The following PLEKHA5 variants were observed in gnomAD, a reference collection of about 807,000 sequenced individuals.
PLEKHA5 encodes pleckstrin homology domain containing A5.
A neutral mutation model predicts 181.9 loss-of-function variants in PLEKHA5; 55 were observed. That is an observed-to-expected ratio of 0.30 (90% CI 0.24 to 0.38). PLEKHA5 has a LOEUF of 0.38. PLEKHA5 is among the 10% of genes least tolerant of loss of function. PLEKHA5 has a pLI of 1.00. For missense variants in PLEKHA5, 1,432 were observed against 1,549.5 expected, an observed-to-expected ratio of 0.92 and a Z score of 1.27; for synonymous variants, 535 against 529.4, an observed-to-expected ratio of 1.01 and a Z score of -0.15.
At chr12:19,373,113 C>A (rs2095625305) in intron 31 of PLEKHA5, 1 of 152,176 alleles carries the variant, frequency 6.6e-6, no homozygotes, top group Admixed American at 6.6e-5. Context: ...ACTGTTGAGG[C>A]CAGGTGCGGT....
chr12:19,264,525 G>T (rs982963052), intron 7 of PLEKHA5, among the ~76,000 whole-genome samples: 14 of 152,152 alleles, frequency 9.2e-5, no homozygotes, highest in Non-Finnish European at 1.8e-4. Flanking sequence ...CACATTCTCT[G>T]TAATTCATGA....
At chr12:19,270,774 G>C (rs1403029743) in intron 10 of PLEKHA5, among the ~76,000 whole-genome samples, 1 of 152,142 alleles carries the variant, frequency 6.6e-6, no homozygotes, top group African/African-American at 2.4e-5. Flanking sequence ...TCTTATGTAA[G>C]AAAGATGCTA....
At chr12:19,131,673 C>CTT (rs1462595893) in intron 2 of PLEKHA5, among the ~76,000 whole-genome samples, 20 of 145,412 alleles carry the variant, frequency 1.4e-4, no homozygotes, top group Non-Finnish European at 2.9e-4. Context: ...TGTGATTTCA[C>CTT]TTTTTTTTTT....
intron 25 of PLEKHA5, among the ~76,000 whole-genome samples, chr12:19,353,570 C>G (rs956461977): frequency 6.0e-4 from 91 of 152,250 alleles, no homozygotes; most frequent in African/African-American, 2.1e-3. Context: ...AGTGATTCTC[C>G]TGCCTCAGCC....
At chr12:19,337,478 G>A (rs1292067650) in intron 21 of PLEKHA5, among the ~76,000 whole-genome samples, 4 of 149,868 alleles carry the variant, frequency 2.7e-5, no homozygotes, top group African/African-American at 7.4e-5. Flanking sequence ...GAACCCACGA[G>A]GTGGAGGTTG....
intron 3 of PLEKHA5, among the ~76,000 whole-genome samples, chr12:19,191,492 AT>A (rs1357690818): frequency 6.6e-6 from 1 of 152,190 alleles, no homozygotes; most frequent in Non-Finnish European, 1.5e-5. Context: ...CCCTAAACTC[AT>A]CTTATTGCAG....
chr12:19,322,466 GAATT>G, intron 19 of PLEKHA5, 48 bp from the exon 20 acceptor site: 7 of 1,593,448 alleles, frequency 4.4e-6, no homozygotes, highest in Non-Finnish European at 6.0e-6. Flanking sequence ...TAAGTAAAAA[GAATT>G]AATACAATGA....
chr12:19,361,792 T>A, intron 29 of PLEKHA5, 86 bp downstream of exon 29: 1 of 1,172,592 alleles, frequency 8.5e-7, no homozygotes, highest in South Asian at 1.3e-5. Context: ...AAGTACTGGA[T>A]TTCAGCCCCA....
chr12:19,251,635 T>G (rs1387336876), intron 3 of PLEKHA5, among the ~76,000 whole-genome samples: 1 of 151,630 alleles, frequency 6.6e-6, no homozygotes, highest in Non-Finnish European at 1.5e-5. Context: ...CCAAGTTGTG[T>G]TGTGCTCAAA....
At chr12:19,178,906 A>G (rs1478325069) in intron 3 of PLEKHA5, among the ~76,000 whole-genome samples, 1 of 152,224 alleles carries the variant, frequency 6.6e-6, no homozygotes, top group Non-Finnish European at 1.5e-5. Flanking sequence ...TGTTGGATAT[A>G]TCAGTCTAAT....
At chr12:19,291,510 T>C (rs2078437977) in intron 14 of PLEKHA5, 134 bp from the exon 15 acceptor site, 1 of 529,836 alleles carries the variant, frequency 1.9e-6, no homozygotes. Flanking sequence ...GGGGAGCATG[T>C]GCGTGAAAGT....
At chr12:19,363,219 G>A (rs1463198674) in intron 29 of PLEKHA5, among the ~76,000 whole-genome samples, 2 of 151,442 alleles carry the variant, frequency 1.3e-5, no homozygotes, top group Non-Finnish European at 2.9e-5. Context: ...ACTGCACTCG[G>A]TTCCCGGAGG....
intron 3 of PLEKHA5, among the ~76,000 whole-genome samples, chr12:19,159,034 C>G (rs1252183131): frequency 6.6e-6 from 1 of 152,214 alleles, no homozygotes; most frequent in African/African-American, 2.4e-5. Flanking sequence ...ATTACTGAAT[C>G]TGACATTTCA....
chr12:19,132,951 C>G (rs1319337743), intron 3 of PLEKHA5, among the ~76,000 whole-genome samples: 1 of 131,140 alleles, frequency 7.6e-6, no homozygotes, highest in African/African-American at 2.9e-5. Flanking sequence ...TTTAGTGAAC[C>G]TTGTTCATGT....
intron 31 of PLEKHA5, among the ~76,000 whole-genome samples, chr12:19,374,073 A>G (rs141678725): frequency 3.9e-5 from 6 of 152,294 alleles, no homozygotes; most frequent in South Asian, 2.1e-4. Context: ...ATATCTTCCT[A>G]TTATGCATAT....
chr12:19,138,440 G>A (rs531761985), intron 3 of PLEKHA5, among the ~76,000 whole-genome samples: 2 of 152,096 alleles, frequency 1.3e-5, no homozygotes, highest in East Asian at 3.9e-4. Context: ...GGGTGTGGTG[G>A]CGGGCTCCTG....
intron 3 of PLEKHA5, among the ~76,000 whole-genome samples, chr12:19,232,239 T>G (rs2060739000): frequency 6.6e-6 from 1 of 152,126 alleles, no homozygotes; most frequent in African/African-American, 2.4e-5. Context: ...GTCTCTAAAT[T>G]TTGTTGGTTA....
intron 3 of PLEKHA5, among the ~76,000 whole-genome samples, chr12:19,252,279 C>G (rs1592210563): frequency 6.6e-6 from 1 of 152,040 alleles, no homozygotes; most frequent in Non-Finnish European, 1.5e-5. Flanking sequence ...AGACTTCTCA[C>G]CATACACAGC....
chr12:19,256,616 T>C (rs2066945899), intron 5 of PLEKHA5, among the ~76,000 whole-genome samples: 2 of 152,232 alleles, frequency 1.3e-5, no homozygotes, highest in African/African-American at 4.8e-5. Flanking sequence ...TTTGTTGATA[T>C]TGGGCCTTAA....
Sources: allele counts gnomAD v4.1 joint callset (sites outside exome capture counted in the v4.1 genomes callset), GRCh38; gene constraint gnomAD v4.1.1; transcripts MANE v1.5; gene names NCBI Gene and HGNC (gene_info 2026-07-23, HGNC 2026-07-21).